ADGRL2: variants seen among roughly 807,000 people sequenced by gnomAD.
The protein encoded by ADGRL2 is calcium-independent alpha-latrotoxin receptor 2.
ADGRL2 carries 44 observed loss-of-function variants against 157.4 expected under a neutral mutation model. The observed-to-expected ratio is 0.28, with a 90% CI of 0.22 to 0.36. ADGRL2 has a LOEUF of 0.36. Ranked by LOEUF, ADGRL2 falls within the 10% of genes least tolerant of loss-of-function variation. ADGRL2 has a pLI of 1.00. For synonymous variants in ADGRL2, 585 were observed against 624.7 expected (o/e 0.94, Z 0.95); for missense variants, 1,510 against 1,768.9 (o/e 0.85, Z 2.63).
At chr1:81,565,598 T>C (rs900103775) in intron 2 of ADGRL2, among the ~76,000 whole-genome samples, 1 of 152,196 alleles carries the variant, frequency 6.6e-6, no homozygotes, top group Non-Finnish European at 1.5e-5. Context: ...TCTGGCAGCA[T>C]GTGCTTCCCT....
At chr1:81,587,102 C>A (rs538823415) in intron 3 of ADGRL2, among the ~76,000 whole-genome samples, 1 of 152,142 alleles carries the variant, frequency 6.6e-6, no homozygotes, top group East Asian at 1.9e-4. Context: ...TATCTAAGAA[C>A]AAGACAAGTT....
At chr1:81,570,776 C>A (rs1363310052) in intron 2 of ADGRL2, among the ~76,000 whole-genome samples, 1 of 152,100 alleles carries the variant, frequency 6.6e-6, no homozygotes, top group Non-Finnish European at 1.5e-5. Flanking sequence ...AAAGAGAGAT[C>A]TTTAATTTTT....
intron 23 of ADGRL2, among the ~76,000 whole-genome samples, chr1:81,988,208 C>T (rs1663746884): frequency 6.6e-6 from 1 of 152,058 alleles, no homozygotes; most frequent in Admixed American, 6.6e-5. Flanking sequence ...AGTAATCTTG[C>T]TACAGGCTGT....
chr1:81,626,526 G>A (rs113549240), intron 3 of ADGRL2, among the ~76,000 whole-genome samples: 1,803 of 152,090 alleles, frequency 0.012, 28 homozygotes, highest in African/African-American at 0.039. Flanking sequence ...TGCCCCCCTC[G>A]GCTTCCCAAA....
At chr1:81,512,708 T>C (rs755394686) in intron 2 of ADGRL2, among the ~76,000 whole-genome samples, 3 of 152,208 alleles carry the variant, frequency 2.0e-5, no homozygotes, top group Non-Finnish European at 4.4e-5. Context: ...AAATACCCTT[T>C]TCTGTGAGTA....
intron 3 of ADGRL2, among the ~76,000 whole-genome samples, chr1:81,693,556 A>C (rs555606863): frequency 6.6e-6 from 1 of 152,310 alleles, no homozygotes; most frequent in African/African-American, 2.4e-5. Flanking sequence ...AAGATTTTGG[A>C]GAGAATGGCA....
At chr1:81,624,308 C>A (rs1354783380) in intron 3 of ADGRL2, among the ~76,000 whole-genome samples, 1 of 152,078 alleles carries the variant, frequency 6.6e-6, no homozygotes, top group Non-Finnish European at 1.5e-5. Flanking sequence ...TGGCCGGGTG[C>A]GGTGGCTCAC....
At chr1:81,422,552 T>A (rs950268209) in intron 1 of ADGRL2, among the ~76,000 whole-genome samples, 7 of 152,246 alleles carry the variant, frequency 4.6e-5, no homozygotes, top group Admixed American at 2.6e-4. Flanking sequence ...GCCAAATGTA[T>A]TTTTTCATTG....
At position 81,943,035 on chromosome 1, in the gene ADGRL2, A is replaced by G; in HGVS notation, c.476A>G (p.Lys159Arg). The change falls in exon 6 of 24, where the codon AAG (lysine) becomes AGG (arginine). Residue 159 changes from lysine to arginine, a missense_variant. Transcript: ENST00000686636. This position sits in a 1 kb window ranked among gnomAD's most constrained non-coding sequence, Gnocchi z 5.6. ...CCATGTATATATGAAGCTGAACAAA[A>G]GGCGGGTGCTTGGTGCAAGGACCCT... ...DSPCIYEAEQ[K>R]AGAWCKDPLQ... 1 of 1,613,382 alleles carries G rather than the reference A, an allele frequency of 6.2e-7. No homozygotes were observed. Among genetic ancestry groups the G allele is most frequent in the Non-Finnish European group, 8.5e-7 (1 of 1,179,444 alleles).
chr1:81,953,564 A>G (rs978264361), intron 10 of ADGRL2, among the ~76,000 whole-genome samples: 44 of 152,158 alleles, frequency 2.9e-4, no homozygotes, highest in Non-Finnish European at 3.8e-4. Flanking sequence ...ATATCTGTAT[A>G]TGTTACATAC....
chr1:81,988,108 T>C (rs1366415198), intron 23 of ADGRL2, among the ~76,000 whole-genome samples: 1 of 152,156 alleles, frequency 6.6e-6, no homozygotes, highest in Non-Finnish European at 1.5e-5. Flanking sequence ...TACTTAAGTA[T>C]ACGCAATGCT....
intron 2 of ADGRL2, among the ~76,000 whole-genome samples, chr1:81,448,455 T>G (rs547721413): frequency 1.3e-5 from 2 of 152,166 alleles, no homozygotes; most frequent in East Asian, 3.9e-4. Context: ...CAAACCTCTT[T>G]TCTTTATAAA....
Position 81,440,766 on chromosome 1 carries a change from C to T in ADGRL2, c.-301-4270C>T, listed in dbSNP as rs1009048528. Among the ~76,000 whole-genome samples, 9 of 152,188 alleles carry T rather than the reference C, an allele frequency of 5.9e-5. No individual in the cohort carries two copies. In the East Asian group the frequency reaches 1.7e-3, roughly 29 times the overall value. On this transcript the variant is annotated intron_variant, in intron 1 of 24. Coordinates refer to the ADGRL2 transcript ENST00000370721. ...ATTTCTTCTGTGAGGCTCCAAGTTT[C>T]TAATTTATCTATGTCTCTTCCTTTT...
chr1:81,789,237 A>G (rs1021620644), intron 2 of ADGRL2, among the ~76,000 whole-genome samples: 6 of 152,202 alleles, frequency 3.9e-5, no homozygotes, highest in African/African-American at 9.6e-5. Context: ...TAAGGAGCTT[A>G]CAGTCACATG....
intron 17 of ADGRL2, among the ~76,000 whole-genome samples, chr1:81,975,522 A>C (rs1218897159): frequency 6.6e-6 from 1 of 152,058 alleles, no homozygotes; most frequent in Non-Finnish European, 1.5e-5. Context: ...TCCATTGAGA[A>C]ATAGGGGAAA....
At chr1:81,749,038 T>C (rs1461057989) in intron 1 of ADGRL2, among the ~76,000 whole-genome samples, 1 of 152,174 alleles carries the variant, frequency 6.6e-6, no homozygotes, top group Non-Finnish European at 1.5e-5. Flanking sequence ...AATGAAAATA[T>C]TTTTTAAAAT....
At chr1:81,642,251 A>C (rs1329983853) in intron 3 of ADGRL2, among the ~76,000 whole-genome samples, 3 of 147,888 alleles carry the variant, frequency 2.0e-5, no homozygotes, top group African/African-American at 7.4e-5. Flanking sequence ...CTGTCTCCAA[A>C]AAAAAAAAAA....
intron 1 of ADGRL2, among the ~76,000 whole-genome samples, chr1:81,818,393 A>G (rs1414095316): frequency 2.6e-5 from 4 of 152,282 alleles, no homozygotes; most frequent in African/African-American, 7.2e-5. Flanking sequence ...TTGGTTTCCT[A>G]CATTGCCACA....
At chr1:81,365,430 T>A (rs1401314629) in intron 1 of ADGRL2, among the ~76,000 whole-genome samples, 7 of 152,144 alleles carry the variant, frequency 4.6e-5, no homozygotes. Flanking sequence ...ACATCCCACA[T>A]TGTCCCTCAA....
Sources: allele counts gnomAD v4.1 joint callset (sites outside exome capture counted in the v4.1 genomes callset), GRCh38; gene constraint gnomAD v4.1.1; non-coding constraint Gnocchi (gnomAD v3.1); transcripts MANE v1.5; gene names NCBI Gene and HGNC (gene_info 2026-07-23, HGNC 2026-07-21).